GABRA2: variants seen among roughly 807,000 people sequenced by gnomAD.
The protein encoded by GABRA2 is gamma-aminobutyric acid type A receptor subunit alpha2, also known as gamma-aminobutyric acid receptor subunit alpha-2.
GABRA2 carries 16 observed loss-of-function variants against 48.7 expected under a neutral mutation model. The ratio of observed to expected loss-of-function variants is 0.33; its 90% CI spans 0.22 to 0.50. GABRA2 has a LOEUF of 0.50. Ranked by LOEUF, GABRA2 falls within the 20% of genes least tolerant of loss-of-function variation. GABRA2 has a pLI of 0.98. For synonymous variants in GABRA2, 185 were observed against 184.5 expected, an observed-to-expected ratio of 1.00 and a Z score of -0.02; for missense variants, 275 against 535.6, an observed-to-expected ratio of 0.51 and a Z score of 4.80.
At chr4:46,335,272 T>C (rs1378438966) in intron 3 of GABRA2, among the ~76,000 whole-genome samples, 1 of 152,176 alleles carries the variant, frequency 6.6e-6, no homozygotes, top group Non-Finnish European at 1.5e-5. Context: ...AGACATTTTA[T>C]AGTATCATCT....
chr4:46,350,566 A>C (rs572089253), intron 3 of GABRA2, among the ~76,000 whole-genome samples: 19 of 151,970 alleles, frequency 1.3e-4, no homozygotes, highest in Admixed American at 8.5e-4. Flanking sequence ...TGTCATATCT[A>C]GATCTTAATT....
In GABRA2 at chr4:46,300,279, A is replaced by G. The variant is rs145866733; in HGVS notation, c.856+3181T>C. On this transcript the variant is annotated intron_variant, in intron 8 of 9. Coordinates refer to ENST00000381620, the MANE Select transcript of GABRA2 (RefSeq NM_000807.4). ...TTAGACTTATTGGTATACATTTGATATCATATATTCAGTATGGATCTGTGT... is the reference window on the plus strand; with the variant it reads ...TTAGACTTATTGGTATACATTTGATGTCATATATTCAGTATGGATCTGTGT... Among the ~76,000 whole-genome samples, 486 of 151,956 alleles carry G rather than the reference A, an allele frequency of 3.2e-3. 6 individuals carry two copies. Among genetic ancestry groups the G allele is most frequent in the African/African-American group, 0.011 (470 of 41,522 alleles).
chr4:46,368,526 T>C (rs1714404202), intron 3 of GABRA2: 1 of 156,350 alleles, frequency 6.4e-6, no homozygotes, highest in Admixed American at 6.4e-5. Flanking sequence ...TGTTGAAATA[T>C]AGTTCTGGGA....
rs1396988623 is a variant in GABRA2 at position 46,247,061 on chromosome 4, A to T, written c.*3247T>A. 6.6e-6 allele frequency among the ~76,000 whole-genome samples: 1 copy of T among 151,274 alleles called. No homozygotes were observed. The highest frequency in any genetic ancestry group is 2.4e-5 in the African/African-American group (1 of 41,364). ...AATAGATTCTGGGTTGTTTTTAAAA[A>T]TAAACTATGAACTATTTAAGAAAAA... On this transcript the variant is annotated 3_prime_UTR_variant, in exon 10 of 10. Transcript: ENST00000381620.
In GABRA2 at chr4:46,247,673, G is replaced by A. The variant is rs1171864483; in HGVS notation, c.*2635C>T. Among the ~76,000 whole-genome samples the A allele has an allele frequency of 6.6e-6, 1 of 151,030 alleles. No homozygotes were observed. The highest frequency in any genetic ancestry group is 2.4e-5 in the African/African-American group (1 of 41,270). ...AGATCAGTGTTAGTATATATAAAAT[G>A]TATTTTCTGAAAAATTGGCCTTATT... On this transcript the variant is annotated 3_prime_UTR_variant, in exon 10 of 10. Transcript: ENST00000381620.
chr4:46,334,910 A>G (rs1260002725), intron 3 of GABRA2, among the ~76,000 whole-genome samples: 4 of 152,204 alleles, frequency 2.6e-5, no homozygotes, highest in South Asian at 2.1e-4. Flanking sequence ...TGAACATCCA[A>G]TAGTGTCTAA....
chr4:46,275,058 C>A (rs930949769), intron 8 of GABRA2, among the ~76,000 whole-genome samples: 2 of 152,082 alleles, frequency 1.3e-5, no homozygotes, highest in Non-Finnish European at 2.9e-5. Context: ...TTTAACGCGG[C>A]TCTCGTGGAA....
chr4:46,353,833 G>A (rs567421602), intron 3 of GABRA2, among the ~76,000 whole-genome samples: 59 of 151,616 alleles, frequency 3.9e-4, no homozygotes, highest in African/African-American at 8.5e-4. Context: ...TATTTTCTCC[G>A]TAGCATTCGA....
intron 4 of GABRA2, among the ~76,000 whole-genome samples, chr4:46,330,637 C>CA (rs1347519728): frequency 6.9e-6 from 1 of 144,272 alleles, no homozygotes; most frequent in African/African-American, 2.5e-5. Flanking sequence ...ATTCACTTTG[C>CA]AAAAATCAAA....
At position 46,248,867 on chromosome 4, in the gene GABRA2, G is replaced by T. The variant is rs1174820942; in HGVS notation, c.*1441C>A. ...TACATGTCAATCAAAAGTATTTGAA[G>T]TTTGCCAAAAACTTTGAATCTAGGC... On this transcript the variant is annotated 3_prime_UTR_variant, in exon 10 of 10. Transcript: ENST00000381620. 6.6e-6 allele frequency: 1 copy of T among 151,360 alleles called. No homozygotes were observed. The highest frequency in any genetic ancestry group is 1.9e-4 in the East Asian group (1 of 5,130). The allele number at this position is 151,360 out of a possible 1,614,324, so 9.4% of individuals were successfully genotyped here.
At chr4:46,310,710 G>C (rs887827649) in intron 5 of GABRA2, among the ~76,000 whole-genome samples, 1 of 152,112 alleles carries the variant, frequency 6.6e-6, no homozygotes, top group African/African-American at 2.4e-5. Flanking sequence ...ATTGTGAATT[G>C]TTACTGTATA....
At chr4:46,308,001 T>C (rs940838294) in intron 6 of GABRA2, among the ~76,000 whole-genome samples, 1 of 152,162 alleles carries the variant, frequency 6.6e-6, no homozygotes, top group African/African-American at 2.4e-5. Flanking sequence ...AAATTCCACT[T>C]GTAAATTAAG....
intron 8 of GABRA2, among the ~76,000 whole-genome samples, chr4:46,275,857 T>C (rs7697639): frequency 0.051 from 7,685 of 152,168 alleles, 658 homozygotes; most frequent in African/African-American, 0.17. Context: ...GGAAATTATT[T>C]TCTTGAAATA....
intron 8 of GABRA2, among the ~76,000 whole-genome samples, chr4:46,274,249 A>C (rs1318185102): frequency 6.6e-6 from 1 of 152,136 alleles, no homozygotes; most frequent in Non-Finnish European, 1.5e-5. Context: ...ACTGAAGATC[A>C]TACTGTTAGC....
At chr4:46,273,530 TATATATGA>T (rs1467082687) in intron 8 of GABRA2, among the ~76,000 whole-genome samples, 82 of 38,896 alleles carry the variant, frequency 2.1e-3, no homozygotes, top group African/African-American at 9.9e-3. Flanking sequence ...TATATATATA[TATATATGA>T]GAGAGAGAGG....
At chr4:46,258,936 A>T (rs1019955617) in intron 9 of GABRA2, among the ~76,000 whole-genome samples, 1 of 151,914 alleles carries the variant, frequency 6.6e-6, no homozygotes, top group Non-Finnish European at 1.5e-5. Context: ...ATAACATTGC[A>T]AGCAATGCTT....
rs1050000167 is a variant in GABRA2 at position 46,246,284 on chromosome 4, T to C, written c.*4024A>G. On this transcript the variant is annotated 3_prime_UTR_variant, in exon 10 of 10. Coordinates refer to ENST00000381620, the MANE Select transcript of GABRA2 (RefSeq NM_000807.4). ...CTTAAATACTGATGGAAAATATTAA[T>C]ATCTTTAATATAAATTTTAACAGCA... 1.3e-5 allele frequency among the ~76,000 whole-genome samples: 2 copies of C among 151,016 alleles called. No individual in the cohort carries two copies. The highest frequency in any genetic ancestry group is 1.5e-5 in the Non-Finnish European group (1 of 67,448).
rs200440628 is a variant in GABRA2 at position 46,389,365 on chromosome 4, C to T, written c.-11+370G>A. 1.0e-5 allele frequency: 10 copies of T among 985,202 alleles called. No individual in the cohort carries two copies. In the South Asian group the frequency reaches 3.8e-4, roughly 37 times the overall value. 61.0% of individuals were successfully genotyped at this position (985,202 alleles called of 1,614,324 possible). A position where few individuals can be genotyped will look rare whatever the true frequency, so the allele number is the denominator to read the frequency against. ...GCAGCCGGGTTCCGATCAAGTGCTG[C>T]GAAACGACGCGTTTGACAGCTGCTC... On this transcript the variant is annotated intron_variant, in intron 1 of 9. Transcript: ENST00000381620.
At chr4:46,322,219 G>C (rs759729542) in intron 4 of GABRA2, among the ~76,000 whole-genome samples, 3 of 151,978 alleles carry the variant, frequency 2.0e-5, no homozygotes, top group Non-Finnish European at 4.4e-5. Context: ...GATGGCCTAA[G>C]AGACTGATGC....
Sources: gnomAD v4.1 joint callset for allele counts (sites outside exome capture counted in the v4.1 genomes callset) on GRCh38, gnomAD v4.1.1 for gene constraint, MANE v1.5 for transcripts, NCBI Gene and HGNC (gene_info 2026-07-23, HGNC 2026-07-21) for gene names.